Variants in ADAMTS3 observed in about 807,000 individuals in gnomAD.
ADAMTS3 encodes ADAM metallopeptidase with thrombospondin type 1 motif 3.
Under a neutral mutation model 129.0 loss-of-function variants are expected in ADAMTS3, and 73 were observed. That is an observed-to-expected ratio of 0.57 (90% CI 0.47 to 0.69). The LOEUF is 0.69. ADAMTS3 is among the 30% of genes least tolerant of loss of function. ADAMTS3 has a pLI of 0.00. For synonymous variants in ADAMTS3, 477 were observed against 510.8 expected, an observed-to-expected ratio of 0.93 and a Z score of 0.89; for missense variants, 1,457 against 1,514.5, an observed-to-expected ratio of 0.96 and a Z score of 0.63.
In ADAMTS3 at chr4:72,327,596, ACTTGCCCAAGTAC is replaced by A. The variant is rs1002468930; in HGVS notation, c.862-4512_862-4500del. ...TCTCATTGCCCAGAGAAGTTAAGTA[ACTTGCCCAAGTAC>A]AATTAGTACACGAGCAAGGGATGAA... On this transcript the variant is annotated intron_variant, in intron 5 of 21. Transcript: ENST00000286657. 3.9e-5 allele frequency among the ~76,000 whole-genome samples: 6 copies of A among 152,286 alleles called. No individual in the cohort carries two copies. In the South Asian group the frequency reaches 1.2e-3, roughly 32 times the overall value.
At chr4:72,421,636 T>A (rs558769969) in intron 3 of ADAMTS3, among the ~76,000 whole-genome samples, 1 of 152,134 alleles carries the variant, frequency 6.6e-6, no homozygotes, top group Non-Finnish European at 1.5e-5. Flanking sequence ...AGAAGGAAAC[T>A]AGACATGTAA....
At chr4:72,298,235 T>A (rs913636685) in intron 18 of ADAMTS3, 42 bp downstream of exon 18, 1 of 1,543,664 alleles carries the variant, frequency 6.5e-7, no homozygotes, top group Non-Finnish European at 8.8e-7. Context: ...TTGGTTTTTA[T>A]ATGCATTACA....
At chr4:72,330,377 T>C (rs1719814664) in intron 5 of ADAMTS3, 1 of 152,218 alleles carries the variant, frequency 6.6e-6, no homozygotes, top group African/African-American at 2.4e-5. Flanking sequence ...GAGGGCCATC[T>C]GTTCAACTCT....
At chr4:72,472,636 A>T (rs768120765) in intron 3 of ADAMTS3, among the ~76,000 whole-genome samples, 2 of 152,170 alleles carry the variant, frequency 1.3e-5, no homozygotes, top group Non-Finnish European at 2.9e-5. Flanking sequence ...GTTCAAGAGA[A>T]ATATTCCTTC....
At chr4:72,466,934 T>C (rs1718936942) in intron 3 of ADAMTS3, among the ~76,000 whole-genome samples, 2 of 152,182 alleles carry the variant, frequency 1.3e-5, no homozygotes, top group South Asian at 4.1e-4. Flanking sequence ...TCCTCAATGG[T>C]CCATTAGAGA....
At chr4:72,418,866 C>A (rs1722374681) in intron 3 of ADAMTS3, among the ~76,000 whole-genome samples, 1 of 152,206 alleles carries the variant, frequency 6.6e-6, no homozygotes. Flanking sequence ...CGCTGCCCAC[C>A]ATCCTCAAGT....
chr4:72,537,703 G>A lies in ADAMTS3; in HGVS notation c.504+10775C>T, dbSNP rs145323804. Among the ~76,000 whole-genome samples the A allele has an allele frequency of 2.3e-3, 353 of 152,242 alleles. 1 individual carries two copies. The highest frequency in any genetic ancestry group is 8.0e-3 in the African/African-American group (333 of 41,542). ...AGATACAACACTATTAGGTTCAGAAGCTCAATTTAAAACCAAATATCACAA... is the reference window on the plus strand; with the variant it reads ...AGATACAACACTATTAGGTTCAGAAACTCAATTTAAAACCAAATATCACAA... On this transcript the variant is annotated intron_variant, in intron 3 of 21. Transcript: ENST00000286657.
At chr4:72,391,851 C>A (rs992034938) in intron 4 of ADAMTS3, among the ~76,000 whole-genome samples, 1 of 151,786 alleles carries the variant, frequency 6.6e-6, no homozygotes, top group Non-Finnish European at 1.5e-5. Context: ...ATTACAGATG[C>A]GATACTTCTG....
intron 3 of ADAMTS3, among the ~76,000 whole-genome samples, chr4:72,508,559 C>T (rs1007105424): frequency 1.3e-5 from 2 of 151,916 alleles, no homozygotes; most frequent in Admixed American, 6.6e-5. Context: ...TTTGAATTTT[C>T]GAAGGAATGT....
chr4:72,530,375 A>G (rs1231905451), intron 3 of ADAMTS3, among the ~76,000 whole-genome samples: 3 of 86,374 alleles, frequency 3.5e-5, no homozygotes, highest in African/African-American at 1.4e-4. Flanking sequence ...AATATAATAT[A>G]TAATATATAT....
intron 5 of ADAMTS3, among the ~76,000 whole-genome samples, chr4:72,335,019 G>A (rs976806177): frequency 3.9e-5 from 6 of 152,102 alleles, no homozygotes; most frequent in South Asian, 4.1e-4. Context: ...AAGTTATATC[G>A]AAATCATCTA....
intron 4 of ADAMTS3, among the ~76,000 whole-genome samples, chr4:72,346,731 G>A (rs545073339): frequency 6.6e-6 from 1 of 152,270 alleles, no homozygotes; most frequent in South Asian, 2.1e-4. Context: ...CGTTGTTATA[G>A]CTGAGATTCA....
intron 4 of ADAMTS3, among the ~76,000 whole-genome samples, chr4:72,340,388 TTA>T (rs893075851): frequency 3.3e-5 from 5 of 151,300 alleles, no homozygotes; most frequent in African/African-American, 7.3e-5. Flanking sequence ...AGGTTATATA[TTA>T]TATATATATG....
At chr4:72,293,640 C>G (rs1027104922) in intron 19 of ADAMTS3, among the ~76,000 whole-genome samples, 4 of 152,026 alleles carry the variant, frequency 2.6e-5, no homozygotes, top group African/African-American at 9.7e-5. Flanking sequence ...TCAGATCACC[C>G]TATAGTTGAG....
chr4:72,533,678 T>TATATACATATATATGTATTA (rs1721111669), intron 3 of ADAMTS3, among the ~76,000 whole-genome samples: 1 of 138,654 alleles, frequency 7.2e-6, no homozygotes, highest in Non-Finnish European at 1.6e-5. Flanking sequence ...TGCACATATA[T>TATATACATATATATGTATTA]GCACACATGT....
chr4:72,567,572 C>A (rs1351210928), intron 1 of ADAMTS3, among the ~76,000 whole-genome samples, 171 bp from the exon 2 acceptor site: 1 of 152,256 alleles, frequency 6.6e-6, no homozygotes, highest in East Asian at 1.9e-4. Flanking sequence ...GTTCCATGAG[C>A]CAATTCCATA....
chr4:72,343,702 A>G (rs765284748), intron 4 of ADAMTS3, among the ~76,000 whole-genome samples: 1 of 152,150 alleles, frequency 6.6e-6, no homozygotes, highest in Non-Finnish European at 1.5e-5. Flanking sequence ...GAAAAAAAGG[A>G]AAATCCAGGT....
intron 3 of ADAMTS3, among the ~76,000 whole-genome samples, chr4:72,510,163 A>G (rs867073482): frequency 2.6e-5 from 4 of 152,096 alleles, no homozygotes; most frequent in Non-Finnish European, 5.9e-5. Context: ...CACAGCTAGT[A>G]TCATATTAAA....
At chr4:72,463,666 GT>G (rs1297706904) in intron 3 of ADAMTS3, among the ~76,000 whole-genome samples, 1 of 132,458 alleles carries the variant, frequency 7.5e-6, no homozygotes, top group Non-Finnish European at 1.6e-5. Flanking sequence ...ATTTTTCAGT[GT>G]TTTGAAATCT....
Sources: allele counts gnomAD v4.1 joint callset (sites outside exome capture counted in the v4.1 genomes callset), GRCh38; gene constraint gnomAD v4.1.1; transcripts MANE v1.5; gene names NCBI Gene and HGNC (gene_info 2026-07-23, HGNC 2026-07-21).